Variants in NPEPPS observed in about 807,000 individuals in gnomAD.
NPEPPS encodes the protein aminopeptidase puromycin sensitive.
NPEPPS carries 14 observed loss-of-function variants against 115.5 expected under a neutral mutation model. That is an observed-to-expected ratio of 0.12 (90% CI 0.08 to 0.19). The LOEUF is 0.19. Among genes scored for constraint, NPEPPS ranks in the 10% least tolerant of loss-of-function variants. NPEPPS has a pLI of 1.00. For synonymous variants in NPEPPS, 285 were observed against 390.6 expected (o/e 0.73, Z 3.19); for missense variants, 523 against 1,110.8 (o/e 0.47, Z 7.52).
At chr17:47,536,071 T>C (rs1469695442) in intron 1 of NPEPPS, among the ~76,000 whole-genome samples, 1 of 152,122 alleles carries the variant, frequency 6.6e-6, no homozygotes, top group African/African-American at 2.4e-5. Context: ...TCTCCTGACC[T>C]CATTCCATCT....
chr17:47,572,100 T>C (rs1397845885), intron 3 of NPEPPS, among the ~76,000 whole-genome samples: 1 of 151,896 alleles, frequency 6.6e-6, no homozygotes, highest in Admixed American at 6.6e-5. Flanking sequence ...GGGAGAAAGC[T>C]AGAACACAAA....
chr17:47,613,651 A>AT lies in NPEPPS; in HGVS notation c.2239-12dup, dbSNP rs1304407466. The AT allele has an allele frequency of 3.1e-6, 5 of 1,594,084 alleles. No individual in the cohort carries two copies. Among genetic ancestry groups the AT allele is most frequent in the African/African-American group, 2.7e-5 (2 of 74,444 alleles). On this transcript the variant is annotated splice_polypyrimidine_tract_variant and intron_variant, in intron 18 of 22. Transcript: ENST00000322157. ...CAAGGTACATTTAATCAAATGACTTATTTTTTGTCCCTTGTAGGTCTATCT... is the reference window on the plus strand; with the variant it reads ...CAAGGTACATTTAATCAAATGACTTATTTTTTTGTCCCTTGTAGGTCTATCT...
intron 18 of NPEPPS, among the ~76,000 whole-genome samples, chr17:47,613,064 G>T (rs1396661867): frequency 6.6e-6 from 1 of 151,912 alleles, no homozygotes; most frequent in Non-Finnish European, 1.5e-5. Context: ...CTATTTAAGT[G>T]GTTTATAGTC....
chr17:47,604,060 G>T lies in NPEPPS; in HGVS notation c.1875+11G>T. 1.2e-6 allele frequency: 2 copies of T among 1,600,356 alleles called. No homozygotes were observed. Among genetic ancestry groups the T allele is most frequent in the Non-Finnish European group, 1.7e-6 (2 of 1,171,032 alleles). ...GACCTCTTCTCCTTGGTGAGCATCT[G>T]TGACTTAAGTAATATGATGGATTTT... is the stretch of plus-strand genomic sequence containing the variant. On this transcript the variant is annotated intron_variant, in intron 16 of 22. Coordinates refer to ENST00000322157, the MANE Select transcript of NPEPPS (RefSeq NM_006310.4).
chr17:47,534,442 G>A (rs1415971858), intron 1 of NPEPPS, among the ~76,000 whole-genome samples: 1 of 152,140 alleles, frequency 6.6e-6, no homozygotes, highest in Non-Finnish European at 1.5e-5. Flanking sequence ...CCTAACAGTT[G>A]GAATCACATA....
chr17:47,526,944 C>G (rs916947327), upstream of NPEPPS, among the ~76,000 whole-genome samples: 4 of 151,598 alleles, frequency 2.6e-5, no homozygotes, highest in Non-Finnish European at 5.9e-5. Context: ...GGCGGCAGAG[C>G]GAGACTCTGT....
intron 17 of NPEPPS, among the ~76,000 whole-genome samples, chr17:47,611,766 C>T (rs949272615): frequency 6.6e-6 from 1 of 152,194 alleles, no homozygotes; most frequent in Non-Finnish European, 1.5e-5. Flanking sequence ...AGCTACTGTG[C>T]CTGGCCATAA....
intron 2 of NPEPPS, among the ~76,000 whole-genome samples, chr17:47,562,516 A>G (rs1828651693): frequency 6.6e-6 from 1 of 152,014 alleles, no homozygotes. Flanking sequence ...CACAAGGGGA[A>G]GAAAATGTTT....
In NPEPPS at chr17:47,622,589, C is replaced by G. The variant is rs896790740; in HGVS notation, c.*669C>G. 3.7e-5 allele frequency: 10 copies of G among 270,618 alleles called. No individual in the cohort carries two copies. Among genetic ancestry groups the G allele is most frequent in the African/African-American group, 1.6e-4 (7 of 42,428 alleles). The allele number at this position is 270,618 out of a possible 1,614,324, so 16.8% of individuals were successfully genotyped here. ...GCAAAAAACAAAAACCTACCCTGTT[C>G]TGGTTTTTTTCCTCCCTTTAGTTCC... is the stretch of plus-strand genomic sequence containing the variant. On this transcript the variant is annotated 3_prime_UTR_variant, in exon 23 of 23. Coordinates refer to ENST00000322157, the MANE Select transcript of NPEPPS (RefSeq NM_006310.4).
intron 21 of NPEPPS, 53 bp from the exon 22 acceptor site, chr17:47,619,684 G>A: frequency 6.9e-7 from 1 of 1,448,774 alleles, no homozygotes; most frequent in East Asian, 2.3e-5. Flanking sequence ...GTAAATGGAA[G>A]TTTGTTCTCA....
chr17:47,549,780 C>CAAAAAA (rs34434179), intron 2 of NPEPPS, among the ~76,000 whole-genome samples: 1 of 43,372 alleles, frequency 2.3e-5, no homozygotes, highest in African/African-American at 8.7e-5. Flanking sequence ...GACTCTGTCT[C>CAAAAAA]AAAAAAAAAA....
In NPEPPS at chr17:47,537,457, G is replaced by C. The variant is rs530572092; in HGVS notation, c.255+5902G>C. ...GCCTGTAATCCCAGCACTTTGGGAG[G>C]CTGAGGTGGGTGGATCATGAGGTCA... On this transcript the variant is annotated intron_variant, in intron 1 of 22. Coordinates refer to ENST00000322157, the MANE Select transcript of NPEPPS (RefSeq NM_006310.4). 3.9e-5 allele frequency among the ~76,000 whole-genome samples: 6 copies of C among 152,236 alleles called. No individual in the cohort carries two copies. In the South Asian group the frequency reaches 6.2e-4, roughly 16 times the overall value.
chr17:47,554,728 T>C (rs1264323608), intron 2 of NPEPPS, among the ~76,000 whole-genome samples: 5 of 152,208 alleles, frequency 3.3e-5, no homozygotes, highest in Admixed American at 6.5e-5. Context: ...CTAGCATCAC[T>C]ACTCTTGTGC....
chr17:47,613,811 C>A, intron 19 of NPEPPS, 86 bp downstream of exon 19: 1 of 997,590 alleles, frequency 1.0e-6, no homozygotes, highest in South Asian at 1.4e-5. Context: ...AAAAAAAAGA[C>A]AGTCCTAGAA....
rs561480216 is a variant in NPEPPS at position 47,561,278 on chromosome 17, C to T, written c.341-8139C>T. ...CTGCAATCCCAGCATTTTGGGAGGC[C>T]GAGGCACGAGGATTGCTTGAGCCCA... is the stretch of plus-strand genomic sequence containing the variant. On this transcript the variant is annotated intron_variant, in intron 2 of 22. Transcript: ENST00000322157. Among the ~76,000 whole-genome samples the T allele has an allele frequency of 6.1e-4, 86 of 140,714 alleles. 1 individual carries two copies. The South Asian group carries it at 0.012, about 19-fold the overall frequency. The allele number at this position is 140,714 out of a possible 152,430, so 92.3% of individuals were successfully genotyped here.
At position 47,585,493 on chromosome 17, in the gene NPEPPS, C is replaced by G. The variant is rs1200689530; in HGVS notation, c.649-7C>G. The G allele has an allele frequency of 7.5e-6, 12 of 1,604,284 alleles. No homozygotes were observed. Among genetic ancestry groups the G allele is most frequent in the Non-Finnish European group, 1.0e-5 (12 of 1,173,218 alleles). ...ATTTAAATTTTTCTTTTTTTTATTT[C>G]TTAAAGAATGTAATTGACCGGAAAC... is the stretch of plus-strand genomic sequence containing the variant. On this transcript the variant is annotated splice_region_variant and splice_polypyrimidine_tract_variant and intron_variant, in intron 5 of 22. Transcript: ENST00000322157.
Position 47,611,317 on chromosome 17 carries a change from G to A in NPEPPS, c.2096-1143G>A, listed in dbSNP as rs764880499. ...TCTACTAAAAATGCAAAAATTAGCC[G>A]GGCGTGGTGGCACAACCGTGTATTC... On this transcript the variant is annotated intron_variant, in intron 17 of 22. Coordinates refer to ENST00000322157, the MANE Select transcript of NPEPPS (RefSeq NM_006310.4). Among the ~76,000 whole-genome samples the A allele has an allele frequency of 4.0e-5, 6 of 151,734 alleles. 1 individual carries two copies. The highest frequency in any genetic ancestry group is 8.8e-5 in the Non-Finnish European group (6 of 67,940).
chr17:47,604,941 A>C (rs1158382788), intron 16 of NPEPPS, among the ~76,000 whole-genome samples: 1 of 152,252 alleles, frequency 6.6e-6, no homozygotes, highest in Non-Finnish European at 1.5e-5. Context: ...ACCAAAGCTC[A>C]AACTATTTTT....
intron 5 of NPEPPS, among the ~76,000 whole-genome samples, chr17:47,584,164 T>G (rs1597862091): frequency 1.5e-5 from 2 of 134,040 alleles, no homozygotes; most frequent in African/African-American, 2.9e-5. Context: ...GAGGCTGCAG[T>G]GAGTTGAGAT....
Sources: allele counts gnomAD v4.1 joint callset (sites outside exome capture counted in the v4.1 genomes callset), GRCh38; gene constraint gnomAD v4.1.1; transcripts MANE v1.5; gene names NCBI Gene and HGNC (gene_info 2026-07-23, HGNC 2026-07-21).